The following RGS6 variants were observed in gnomAD, a reference collection of about 807,000 sequenced individuals.
RGS6 encodes the protein regulator of G-protein signaling 6.
In RGS6, 30 loss-of-function variants were observed where a neutral mutation model predicts 78.5. The ratio of observed to expected loss-of-function variants is 0.38; its 90% confidence interval spans 0.29 to 0.52. The LOEUF is 0.52. Ranked by LOEUF, RGS6 falls within the 20% of genes least tolerant of loss-of-function variation. The pLI, the probability that RGS6 is intolerant of heterozygous loss-of-function variation, is 0.85. For synonymous variants in RGS6, 206 were observed against 206.0 expected, an observed-to-expected ratio of 1.00 and a Z score of 0.00; for missense variants, 495 against 609.7, an observed-to-expected ratio of 0.81 and a Z score of 1.98.
At chr14:72,479,164 A>G (rs2096311159) in intron 12 of RGS6, among the ~76,000 whole-genome samples, 1 of 152,214 alleles carries the variant, frequency 6.6e-6, no homozygotes. Flanking sequence ...AGAGCCATCT[A>G]TAAGCCTGTA....
chr14:72,422,305 A>T (rs1481490772), intron 3 of RGS6, among the ~76,000 whole-genome samples: 1 of 152,238 alleles, frequency 6.6e-6, no homozygotes, highest in South Asian at 2.1e-4. Flanking sequence ...AAATTCTTAT[A>T]TACTTAGAAC....
At chr14:71,893,024 G>A in the RGS6 span, among the ~76,000 whole-genome samples, 217 of 152,330 alleles carry the variant, frequency 1.4e-3, no homozygotes, top group African/African-American at 4.9e-3. Flanking sequence ...CTTTTAAAAC[G>A]TTCACATTTT....
At chr14:72,393,871 T>A (rs2090560027) in intron 3 of RGS6, among the ~76,000 whole-genome samples, 1 of 152,138 alleles carries the variant, frequency 6.6e-6, no homozygotes, top group Non-Finnish European at 1.5e-5. Flanking sequence ...ATCCTACAAA[T>A]TACAGGAAAG....
intron 1 of RGS6, among the ~76,000 whole-genome samples, chr14:71,954,119 T>C (rs1404208158): frequency 6.6e-6 from 1 of 151,860 alleles, no homozygotes; most frequent in East Asian, 1.9e-4. Flanking sequence ...TTTTCTGCAG[T>C]TTGAATATGA....
At chr14:72,025,400 C>T (rs949021877) in intron 2 of RGS6, among the ~76,000 whole-genome samples, 1 of 152,086 alleles carries the variant, frequency 6.6e-6, no homozygotes, top group Non-Finnish European at 1.5e-5. Context: ...AATAGTGTTT[C>T]TTTGGGAGAA....
At chr14:71,925,358 G>A in the RGS6 span, among the ~76,000 whole-genome samples, 1 of 152,158 alleles carries the variant, frequency 6.6e-6, no homozygotes, top group African/African-American at 2.4e-5. Flanking sequence ...TCCGTAGGTT[G>A]CCTCTTCACC....
chr14:71,912,449 A>T, the RGS6 span, among the ~76,000 whole-genome samples: 5 of 152,174 alleles, frequency 3.3e-5, no homozygotes, highest in African/African-American at 1.2e-4. Flanking sequence ...ATTACTTACA[A>T]ATGAAGAGTG....
chr14:72,572,942 G>C, the RGS6 span, among the ~76,000 whole-genome samples: 1 of 151,594 alleles, frequency 6.6e-6, no homozygotes, highest in Admixed American at 6.6e-5. Flanking sequence ...GGGAGGGAAG[G>C]AGAGAGAAAA....
the RGS6 span, among the ~76,000 whole-genome samples, chr14:71,886,849 G>A: frequency 1.3e-5 from 2 of 152,066 alleles, no homozygotes; most frequent in Non-Finnish European, 2.9e-5. Context: ...ATAGTCTCGG[G>A]GACACCTCAA....
chr14:71,936,015 GATATATAT>G (rs55686505), intron 1 of RGS6, among the ~76,000 whole-genome samples: 2,038 of 63,788 alleles, frequency 0.032, 129 homozygotes, highest in African/African-American at 0.089. Context: ...GAACTAATAG[GATATATAT>G]ATATATATAT....
At chr14:72,446,951 C>A (rs961460423) in intron 3 of RGS6, among the ~76,000 whole-genome samples, 1 of 152,042 alleles carries the variant, frequency 6.6e-6, no homozygotes, top group African/African-American at 2.4e-5. Flanking sequence ...CTTGCTCACC[C>A]GCCACTCACC....
chr14:72,502,834 A>T (rs1291060917), intron 13 of RGS6, among the ~76,000 whole-genome samples: 1 of 152,176 alleles, frequency 6.6e-6, no homozygotes, highest in East Asian at 1.9e-4. Context: ...CAGGACCCTC[A>T]GGTTGTTCTT....
chr14:72,236,156 A>G (rs954471548), intron 2 of RGS6, among the ~76,000 whole-genome samples: 7 of 152,196 alleles, frequency 4.6e-5, no homozygotes, highest in East Asian at 3.8e-4. Context: ...CCAACATTCT[A>G]TTAGGATCAT....
At chr14:72,390,349 C>T (rs1175387928) in intron 3 of RGS6, among the ~76,000 whole-genome samples, 3 of 151,866 alleles carry the variant, frequency 2.0e-5, no homozygotes, top group Admixed American at 6.6e-5. Flanking sequence ...CTGCCCACCT[C>T]GGCCTCCCAA....
At chr14:72,451,686 A>G (rs2153225723) in intron 3 of RGS6, among the ~76,000 whole-genome samples, 1 of 152,320 alleles carries the variant, frequency 6.6e-6, no homozygotes, top group African/African-American at 2.4e-5. Flanking sequence ...GATAATCCGC[A>G]GGCCTGGGGG....
Position 72,016,925 on chromosome 14 carries a change from G to A in RGS6, c.84+52050G>A, listed in dbSNP as rs150996864. On this transcript the variant is annotated intron_variant, in intron 2 of 17. Transcript: ENST00000553525. ...CTGGGTCTTCTCATCTACAACTATG[G>A]TATAGCTATGTTTATTTAGTTCTCT... Among the ~76,000 whole-genome samples the A allele has an allele frequency of 3.5e-3, 540 of 152,248 alleles. 2 individuals carry two copies. The highest frequency in any genetic ancestry group is 6.3e-3 in the Non-Finnish European group (431 of 68,012).
chr14:72,063,801 G>A (rs2094005206), intron 2 of RGS6, among the ~76,000 whole-genome samples: 1 of 151,908 alleles, frequency 6.6e-6, no homozygotes, highest in South Asian at 2.1e-4. Flanking sequence ...CTTATGGGAA[G>A]ATACTGTTAT....
intron 3 of RGS6, among the ~76,000 whole-genome samples, chr14:72,369,378 T>C (rs142473752): frequency 2.0e-5 from 3 of 152,292 alleles, no homozygotes; most frequent in Non-Finnish European, 4.4e-5. Context: ...ATCACCTTGA[T>C]TGTGGCCTGG....
intron 3 of RGS6, among the ~76,000 whole-genome samples, chr14:72,410,206 C>T: frequency 6.6e-6 from 1 of 152,172 alleles, no homozygotes; most frequent in Non-Finnish European, 1.5e-5. Context: ...CCTATTTCTC[C>T]ACATCCTCTC....
Sources: gnomAD v4.1 joint callset for allele counts (sites outside exome capture counted in the v4.1 genomes callset) on GRCh38, gnomAD v4.1.1 for gene constraint, MANE v1.5 for transcripts, NCBI Gene and HGNC (gene_info 2026-07-23, HGNC 2026-07-21) for gene names.